Variants in ZNF385B observed in about 807,000 individuals in gnomAD.
ZNF385B encodes the protein zinc finger protein 533.
Under a neutral mutation model 39.2 loss-of-function variants are expected in ZNF385B, and 23 were observed. That is an observed-to-expected ratio of 0.59 (90% CI 0.42 to 0.83). The LOEUF is 0.83. ZNF385B is among the 40% of genes least tolerant of loss of function. ZNF385B has a pLI of 0.00. For synonymous variants in ZNF385B, 205 were observed against 222.6 expected (o/e 0.92, Z 0.70); for missense variants, 552 against 598.9 (o/e 0.92, Z 0.82).
At chr2:179,518,676 C>T (rs768065059) in intron 4 of ZNF385B, 38 bp from the exon 5 acceptor site, 13 of 1,344,880 alleles carry the variant, frequency 9.7e-6, no homozygotes, top group Non-Finnish European at 1.1e-5. Flanking sequence ...TTTGTAACTT[C>T]AAAGAAAAGA....
At chr2:179,849,972 CT>C (rs1436235144) in intron 1 of ZNF385B, among the ~76,000 whole-genome samples, 1 of 152,116 alleles carries the variant, frequency 6.6e-6, no homozygotes, top group Non-Finnish European at 1.5e-5. Flanking sequence ...GAGCTCAACC[CT>C]TGTGTGAAAG....
At chr2:179,845,339 C>T (rs1708746882) in intron 1 of ZNF385B, among the ~76,000 whole-genome samples, 1 of 152,040 alleles carries the variant, frequency 6.6e-6, no homozygotes, top group Admixed American at 6.6e-5. Flanking sequence ...AATTAAAGAA[C>T]CAGTGATATA....
chr2:179,775,866 C>G (rs1331600712), intron 1 of ZNF385B, among the ~76,000 whole-genome samples: 1 of 152,338 alleles, frequency 6.6e-6, no homozygotes, highest in Admixed American at 6.5e-5. Context: ...GACACAGCTG[C>G]TTCTCTGCAA....
At chr2:179,645,982 G>A (rs74879221) in intron 3 of ZNF385B, among the ~76,000 whole-genome samples, 7 of 152,148 alleles carry the variant, frequency 4.6e-5, no homozygotes, top group Admixed American at 3.9e-4. Flanking sequence ...GGTATAATCT[G>A]TCTCCTTCTT....
intron 3 of ZNF385B, among the ~76,000 whole-genome samples, chr2:179,590,512 C>T (rs1445253889): frequency 1.3e-5 from 2 of 152,102 alleles, no homozygotes; most frequent in Non-Finnish European, 2.9e-5. Context: ...GATTCTTTTT[C>T]TGCACTCCTG....
chr2:179,664,459 A>G (rs1010263997), intron 3 of ZNF385B, among the ~76,000 whole-genome samples: 6 of 152,212 alleles, frequency 3.9e-5, no homozygotes, highest in African/African-American at 1.4e-4. Flanking sequence ...ATTGCTATTA[A>G]CTAGGCTACT....
chr2:179,624,209 T>G (rs564744249), intron 3 of ZNF385B, among the ~76,000 whole-genome samples: 2 of 152,306 alleles, frequency 1.3e-5, no homozygotes, highest in South Asian at 4.1e-4. Context: ...ATCTTTCCAC[T>G]TCCCCAAGTC....
intron 3 of ZNF385B, among the ~76,000 whole-genome samples, chr2:179,671,768 C>A (rs989649148): frequency 6.6e-6 from 1 of 152,210 alleles, no homozygotes; most frequent in Non-Finnish European, 1.5e-5. Context: ...CCCAGCTGCC[C>A]CAGATGTAGC....
chr2:179,853,655 A>G (rs259815), intron 1 of ZNF385B, among the ~76,000 whole-genome samples: 141,947 of 152,244 alleles, frequency 0.93, 66,614 homozygotes, highest in East Asian at 1. Context: ...TGTACCTGCA[A>G]GTATTTAATA....
chr2:179,522,904 A>G, intron 4 of ZNF385B: 1 of 451,800 alleles, frequency 2.2e-6, no homozygotes, highest in Non-Finnish European at 4.6e-6. Context: ...ATTGGTCTCA[A>G]ATAAGCCTCT....
chr2:179,692,514 A>C (rs1698433179), intron 3 of ZNF385B, among the ~76,000 whole-genome samples: 2 of 152,080 alleles, frequency 1.3e-5, no homozygotes, highest in Non-Finnish European at 2.9e-5. Flanking sequence ...ACCCCATGTC[A>C]GTTGATTTGC....
intron 3 of ZNF385B, among the ~76,000 whole-genome samples, chr2:179,682,743 T>TACAC (rs369061472): frequency 6.0e-5 from 9 of 150,698 alleles, no homozygotes; most frequent in African/African-American, 1.5e-4. Context: ...GATATATAAG[T>TACAC]ACACACACAC....
intron 3 of ZNF385B, among the ~76,000 whole-genome samples, chr2:179,724,263 T>C (rs968389359): frequency 6.6e-6 from 1 of 152,128 alleles, no homozygotes; most frequent in East Asian, 1.9e-4. Flanking sequence ...GAGCCAAGAT[T>C]GCGCCACTGC....
At chr2:179,631,564 A>G (rs923216508) in intron 3 of ZNF385B, among the ~76,000 whole-genome samples, 1 of 152,194 alleles carries the variant, frequency 6.6e-6, no homozygotes, top group Admixed American at 6.5e-5. Flanking sequence ...CACTGCAAAA[A>G]CATGCCAAAT....
At chr2:179,489,286 C>T (rs1373609067) in intron 5 of ZNF385B, among the ~76,000 whole-genome samples, 1 of 152,180 alleles carries the variant, frequency 6.6e-6, no homozygotes, top group Non-Finnish European at 1.5e-5. Flanking sequence ...AAGGGAAAAA[C>T]AGGGAAAGGT....
chr2:179,680,865 T>C (rs961868264), intron 3 of ZNF385B, among the ~76,000 whole-genome samples: 5 of 152,082 alleles, frequency 3.3e-5, no homozygotes. Context: ...AACCATCCTG[T>C]GAGAGATAAG....
intron 3 of ZNF385B, among the ~76,000 whole-genome samples, chr2:179,738,784 T>G (rs1280822030): frequency 6.6e-6 from 1 of 152,220 alleles, no homozygotes; most frequent in African/African-American, 2.4e-5. Context: ...CCCAGTTTGA[T>G]AACATCTACA....
In ZNF385B at chr2:179,726,767, T is replaced by C. The variant is rs376374731; in HGVS notation, c.298+42736A>G. ...ATGAGGAGGAGATAATATAGTACTA[T>C]TACTGCATTTGTGCTTTACACATCT... On this transcript the variant is annotated intron_variant, in intron 3 of 9. Transcript: ENST00000410066. 2.6e-5 allele frequency among the ~76,000 whole-genome samples: 4 copies of C among 152,066 alleles called. No homozygotes were observed. The East Asian group carries it at 5.8e-4, about 22-fold the overall frequency.
chr2:179,561,890 C>A (rs1379401078), intron 3 of ZNF385B, among the ~76,000 whole-genome samples: 1 of 152,114 alleles, frequency 6.6e-6, no homozygotes, highest in Admixed American at 6.6e-5. Context: ...TGGTGCCTAT[C>A]ATAAAAATCA....
Sources: allele counts gnomAD v4.1 joint callset (sites outside exome capture counted in the v4.1 genomes callset), GRCh38; gene constraint gnomAD v4.1.1; transcripts MANE v1.5; gene names NCBI Gene and HGNC (gene_info 2026-07-23, HGNC 2026-07-21).